DLGAP1: variants seen among roughly 807,000 people sequenced by gnomAD.
DLGAP1 encodes disks large-associated protein 1.
Under a neutral mutation model 90.8 loss-of-function variants are expected in DLGAP1, and 11 were observed. The ratio of observed to expected loss-of-function variants is 0.12; its 90% CI spans 0.08 to 0.20. The LOEUF is 0.20. Among genes scored for constraint, DLGAP1 ranks in the 10% least tolerant of loss-of-function variants. The pLI, the probability that DLGAP1 is intolerant of heterozygous loss-of-function variation, is 1.00. For synonymous variants in DLGAP1, 558 were observed against 540.7 expected, an observed-to-expected ratio of 1.03 and a Z score of -0.44; for missense variants, 1,050 against 1,333.8, an observed-to-expected ratio of 0.79 and a Z score of 3.31.
At chr18:4,038,137 C>T (rs1224606517) in intron 2 of DLGAP1, among the ~76,000 whole-genome samples, 1 of 152,066 alleles carries the variant, frequency 6.6e-6, no homozygotes, top group African/African-American at 2.4e-5. Context: ...ATTTCTTAAT[C>T]CTAGATGCTA....
At chr18:3,863,236 T>C (rs539460874) in intron 4 of DLGAP1, among the ~76,000 whole-genome samples, 2 of 152,308 alleles carry the variant, frequency 1.3e-5, no homozygotes, top group South Asian at 4.1e-4. Flanking sequence ...AGCAGAGAAC[T>C]AGACTACCTG....
intron 7 of DLGAP1, among the ~76,000 whole-genome samples, chr18:3,688,663 ACAC>A (rs747663803): frequency 0.13 from 7,585 of 57,010 alleles, 345 homozygotes; most frequent in African/African-American, 0.2. Context: ...ACACACACAC[ACAC>A]ACCCTACCAA....
At chr18:3,833,838 G>A (rs1181748518) in intron 4 of DLGAP1, among the ~76,000 whole-genome samples, 1 of 151,980 alleles carries the variant, frequency 6.6e-6, no homozygotes, top group African/African-American at 2.4e-5. Flanking sequence ...TGAAGGTGTT[G>A]GTTTACAAAA....
At chr18:3,741,026 C>CCAT (rs2062913924) in intron 6 of DLGAP1, among the ~76,000 whole-genome samples, 1 of 127,184 alleles carries the variant, frequency 7.9e-6, no homozygotes, top group African/African-American at 3.0e-5. Context: ...ATCACCACCA[C>CCAT]CACCACCACC....
At chr18:3,941,905 G>A (rs1006388264) in intron 3 of DLGAP1, among the ~76,000 whole-genome samples, 1 of 151,996 alleles carries the variant, frequency 6.6e-6, no homozygotes, top group Non-Finnish European at 1.5e-5. Flanking sequence ...GTAAAGACAG[G>A]GCCTCACTAC....
chr18:4,333,847 G>A (rs1051078674), intron 1 of DLGAP1, among the ~76,000 whole-genome samples: 1 of 151,224 alleles, frequency 6.6e-6, no homozygotes, highest in Non-Finnish European at 1.5e-5. Flanking sequence ...TGATCCGCCC[G>A]CCTTGGCCTC....
At chr18:3,900,713 T>G (rs766592543) in intron 3 of DLGAP1, among the ~76,000 whole-genome samples, 48 of 152,158 alleles carry the variant, frequency 3.2e-4, no homozygotes, top group Non-Finnish European at 5.9e-4. Flanking sequence ...TTAGATTAGA[T>G]TGGGTTGGTT....
At chr18:4,409,304 A>G (rs144464292) in intron 1 of DLGAP1, among the ~76,000 whole-genome samples, 42 of 152,240 alleles carry the variant, frequency 2.8e-4, no homozygotes, top group Admixed American at 1.5e-3. Context: ...TGCAGTTTCT[A>G]TAATTCTTTT....
intron 1 of DLGAP1, among the ~76,000 whole-genome samples, chr18:4,281,490 G>T (rs1355050809): frequency 6.6e-6 from 1 of 152,144 alleles, no homozygotes; most frequent in Non-Finnish European, 1.5e-5. Context: ...GGAGGCAGAG[G>T]TTGCAGTGAA....
intron 3 of DLGAP1, among the ~76,000 whole-genome samples, chr18:3,934,607 A>G (rs965010241): frequency 6.6e-6 from 1 of 152,228 alleles, no homozygotes; most frequent in Non-Finnish European, 1.5e-5. Context: ...AAGAGTATAC[A>G]TATACACACA....
intron 7 of DLGAP1, among the ~76,000 whole-genome samples, chr18:3,726,724 G>A (rs1319858819): frequency 6.6e-6 from 1 of 152,194 alleles, no homozygotes; most frequent in Non-Finnish European, 1.5e-5. Context: ...GTGAAGTACA[G>A]CTGCCCTGTG....
Position 4,269,354 on chromosome 18 carries a change from ATT to A in DLGAP1, c.-266-118069_-266-118068del, listed in dbSNP as rs202021108. 2.6e-3 allele frequency among the ~76,000 whole-genome samples: 342 copies of A among 132,098 alleles called. 3 individuals are homozygous for A. The highest frequency in any genetic ancestry group is 0.015 in the Admixed American group (187 of 12,658). The allele number at this position is 132,098 out of a possible 152,430, so 86.7% of individuals were successfully genotyped here. A position where few individuals can be genotyped will look rare whatever the true frequency, so the allele number is the denominator to read the frequency against. ...TATACATATATATATATATATATAT[ATT>A]TTTTTTTTTCTTTTTGAGACGGAGT... On this transcript the variant is annotated intron_variant, in intron 1 of 12. Coordinates refer to ENST00000315677, the MANE Select transcript of DLGAP1 (RefSeq NM_004746.4).
intron 1 of DLGAP1, among the ~76,000 whole-genome samples, chr18:4,279,132 C>A (rs762544993): frequency 6.6e-6 from 1 of 152,174 alleles, no homozygotes; most frequent in Non-Finnish European, 1.5e-5. Flanking sequence ...AAGTGGCAGA[C>A]CTGGGGTTCA....
intron 3 of DLGAP1, among the ~76,000 whole-genome samples, chr18:3,886,910 G>T (rs1231615954): frequency 1.3e-5 from 2 of 152,180 alleles, no homozygotes; most frequent in East Asian, 3.9e-4. Context: ...ACGCAGCTGT[G>T]GGGGCTGGGT....
intron 2 of DLGAP1, among the ~76,000 whole-genome samples, chr18:4,079,883 G>A (rs1012730755): frequency 1.3e-5 from 2 of 152,088 alleles, no homozygotes; most frequent in African/African-American, 4.8e-5. Context: ...GTCAAGGAGA[G>A]AGAAAAGAAG....
intron 7 of DLGAP1, among the ~76,000 whole-genome samples, chr18:3,650,011 C>T (rs1448533548): frequency 6.6e-6 from 1 of 152,148 alleles, no homozygotes; most frequent in African/African-American, 2.4e-5. Flanking sequence ...ATTTGGGAAA[C>T]TCTCAATGCT....
At chr18:4,451,646 G>A (rs559455998) in intron 1 of DLGAP1, among the ~76,000 whole-genome samples, 1 of 151,992 alleles carries the variant, frequency 6.6e-6, no homozygotes, top group African/African-American at 2.4e-5. Flanking sequence ...CTCATGCTTC[G>A]GAAAAAAGAA....
intron 3 of DLGAP1, among the ~76,000 whole-genome samples, chr18:4,002,121 G>A (rs2074199583): frequency 6.6e-6 from 1 of 152,100 alleles, no homozygotes; most frequent in Non-Finnish European, 1.5e-5. Flanking sequence ...TAGTTGCTCT[G>A]TTTCCATGGG....
intron 3 of DLGAP1, among the ~76,000 whole-genome samples, chr18:3,892,485 TC>T (rs1490556182): frequency 2.0e-5 from 3 of 152,262 alleles, no homozygotes; most frequent in East Asian, 1.9e-4. Flanking sequence ...CAAATTCTTA[TC>T]CCTTCTTGAA....
Sources: allele counts gnomAD v4.1 joint callset (sites outside exome capture counted in the v4.1 genomes callset), GRCh38; gene constraint gnomAD v4.1.1; transcripts MANE v1.5; gene names NCBI Gene and HGNC (gene_info 2026-07-23, HGNC 2026-07-21).